Variants in SPOCK3 observed in about 807,000 individuals in gnomAD.
The protein encoded by SPOCK3 is SPARC (osteonectin), cwcv and kazal like domains proteoglycan 3.
SPOCK3 carries 30 observed loss-of-function variants against 56.6 expected under a neutral mutation model. The observed-to-expected ratio is 0.53, with a 90% CI of 0.40 to 0.72. SPOCK3 has a LOEUF of 0.72. Ranked by LOEUF, SPOCK3 falls within the 30% of genes least tolerant of loss-of-function variation. The pLI, the probability that SPOCK3 is intolerant of heterozygous loss-of-function variation, is 0.00. For synonymous variants in SPOCK3, 196 were observed against 183.3 expected, an observed-to-expected ratio of 1.07 and a Z score of -0.56; for missense variants, 527 against 530.0, an observed-to-expected ratio of 0.99 and a Z score of 0.06.
chr4:166,887,196 T>C (rs1734290464), intron 6 of SPOCK3, among the ~76,000 whole-genome samples: 1 of 152,200 alleles, frequency 6.6e-6, no homozygotes, highest in African/African-American at 2.4e-5. Flanking sequence ...ATAGAGTTCC[T>C]TTTGCAGCTT....
intron 6 of SPOCK3, among the ~76,000 whole-genome samples, chr4:166,807,308 TAA>T (rs372411472): frequency 1.1e-4 from 14 of 129,766 alleles, no homozygotes; most frequent in Admixed American, 2.4e-4. Flanking sequence ...GCATAAAGCC[TAA>T]AAAAAAAAAA....
chr4:166,924,974 C>T (rs1738913154), intron 4 of SPOCK3, among the ~76,000 whole-genome samples: 1 of 151,914 alleles, frequency 6.6e-6, no homozygotes, highest in Non-Finnish European at 1.5e-5. Context: ...ATTGGGGTTC[C>T]CTGGGGTACT....
intron 4 of SPOCK3, among the ~76,000 whole-genome samples, chr4:166,954,051 T>A (rs896687792): frequency 6.6e-6 from 1 of 152,066 alleles, no homozygotes; most frequent in Non-Finnish European, 1.5e-5. Flanking sequence ...AACCTGCACA[T>A]TGTGCACATG....
intron 2 of SPOCK3, among the ~76,000 whole-genome samples, chr4:167,123,648 A>G (rs1316975493): frequency 6.6e-6 from 1 of 151,422 alleles, no homozygotes; most frequent in Non-Finnish European, 1.5e-5. Context: ...CAATTAACAC[A>G]TGGCGTGTCT....
chr4:166,967,630 A>G (rs1398387133), intron 4 of SPOCK3, among the ~76,000 whole-genome samples: 1 of 152,174 alleles, frequency 6.6e-6, no homozygotes. Flanking sequence ...GTCCCACTGT[A>G]TAGTCCATGT....
intron 6 of SPOCK3, among the ~76,000 whole-genome samples, chr4:166,815,171 C>T (rs1744253232): frequency 6.6e-6 from 1 of 151,316 alleles, no homozygotes. Flanking sequence ...TTTTCTTTTT[C>T]AAAACTAAGA....
At chr4:166,932,142 G>A (rs1457465931) in intron 4 of SPOCK3, among the ~76,000 whole-genome samples, 1 of 152,160 alleles carries the variant, frequency 6.6e-6, no homozygotes, top group Non-Finnish European at 1.5e-5. Flanking sequence ...AAGCCTGAAA[G>A]TATGTTAACT....
intron 2 of SPOCK3, among the ~76,000 whole-genome samples, chr4:167,136,741 T>C (rs927036820): frequency 1.3e-5 from 2 of 152,310 alleles, no homozygotes; most frequent in South Asian, 4.1e-4. Flanking sequence ...TTTACTCATA[T>C]TAACAAAATT....
intron 4 of SPOCK3, among the ~76,000 whole-genome samples, chr4:166,983,014 CTA>C (rs1746759837): frequency 6.6e-6 from 1 of 151,742 alleles, no homozygotes; most frequent in Admixed American, 6.6e-5. Flanking sequence ...AATTGTACAA[CTA>C]TATTGTACAA....
chr4:166,747,611 T>A (rs1378247855), intron 8 of SPOCK3, among the ~76,000 whole-genome samples: 1 of 152,092 alleles, frequency 6.6e-6, no homozygotes, highest in Non-Finnish European at 1.5e-5. Flanking sequence ...TCCTATTCAA[T>A]ATATTGTTGG....
chr4:167,223,907 A>G (rs75571190), intron 2 of SPOCK3, among the ~76,000 whole-genome samples: 3,461 of 152,190 alleles, frequency 0.023, 126 homozygotes, highest in African/African-American at 0.079. Context: ...TATTTTTATT[A>G]TAAAATTTTT....
At chr4:167,008,853 G>A (rs1369294591) in intron 3 of SPOCK3, among the ~76,000 whole-genome samples, 1 of 152,040 alleles carries the variant, frequency 6.6e-6, no homozygotes, top group Non-Finnish European at 1.5e-5. Context: ...AGAAGGGAGG[G>A]AAGCAGGGGA....
chr4:166,812,045 A>G (rs1743878365), intron 6 of SPOCK3, among the ~76,000 whole-genome samples: 1 of 151,856 alleles, frequency 6.6e-6, no homozygotes, highest in Non-Finnish European at 1.5e-5. Context: ...TAATCGGAAC[A>G]TTAAAGAATC....
intron 3 of SPOCK3, among the ~76,000 whole-genome samples, chr4:167,012,068 G>GA (rs1164847007): frequency 1.3e-5 from 2 of 151,754 alleles, no homozygotes; most frequent in African/African-American, 4.8e-5. Flanking sequence ...TTAAAAAACT[G>GA]AAAAAATGAG....
At chr4:167,026,204 G>A (rs1280729369) in intron 3 of SPOCK3, among the ~76,000 whole-genome samples, 1 of 152,024 alleles carries the variant, frequency 6.6e-6, no homozygotes, top group Non-Finnish European at 1.5e-5. Flanking sequence ...AGAGCCCTGT[G>A]TCGGGTTAAC....
intron 6 of SPOCK3, among the ~76,000 whole-genome samples, chr4:166,860,009 C>T (rs1731073024): frequency 6.6e-6 from 1 of 152,106 alleles, no homozygotes. Context: ...TAGAATTTAT[C>T]TTGCCACTGG....
intron 3 of SPOCK3, among the ~76,000 whole-genome samples, chr4:167,058,840 A>G (rs1755227912): frequency 6.6e-6 from 1 of 152,224 alleles, no homozygotes; most frequent in East Asian, 1.9e-4. Context: ...CCTCAGAAAT[A>G]ACGCCATGTA....
intron 2 of SPOCK3, among the ~76,000 whole-genome samples, chr4:167,129,494 T>G (rs1762540143): frequency 6.6e-6 from 1 of 152,228 alleles, no homozygotes; most frequent in African/African-American, 2.4e-5. Flanking sequence ...TCCCATTCTG[T>G]TTAGTGCTTG....
chr4:166,749,749 C>T (rs1345151863), intron 8 of SPOCK3, among the ~76,000 whole-genome samples: 2 of 151,604 alleles, frequency 1.3e-5, no homozygotes, highest in East Asian at 1.9e-4. Flanking sequence ...CCAATTGATC[C>T]CTTTGTTATT....
Sources: gnomAD v4.1 joint callset for allele counts (sites outside exome capture counted in the v4.1 genomes callset) on GRCh38, gnomAD v4.1.1 for gene constraint, MANE v1.5 for transcripts, NCBI Gene and HGNC (gene_info 2026-07-23, HGNC 2026-07-21) for gene names.